The following WDR4 variants were observed in gnomAD, a reference collection of about 807,000 sequenced individuals.
WDR4 encodes the protein tRNA (guanine-N(7)-)-methyltransferase non-catalytic subunit WDR4.
Under a neutral mutation model 48.6 loss-of-function variants are expected in WDR4, and 47 were observed. That is an observed-to-expected ratio of 0.97 (90% CI 0.77 to 1.23). The LOEUF (loss-of-function observed/expected upper bound fraction) is 1.23. WDR4 is among the 50% of genes most tolerant of loss of function. The pLI, the probability that WDR4 is intolerant of heterozygous loss-of-function variation, is 0.00. For synonymous variants in WDR4, 268 were observed against 230.0 expected (o/e 1.17, Z -1.49); for missense variants, 606 against 551.6 (o/e 1.10, Z -0.99).
chr21:42,890,535 C>CA, the WDR4 span, among the ~76,000 whole-genome samples: 4 of 151,918 alleles, frequency 2.6e-5, no homozygotes, highest in Non-Finnish European at 4.4e-5. Flanking sequence ...GACTCCGTCT[C>CA]AAAAAAAAGA....
At chr21:42,851,382 G>A (rs978061874) in intron 10 of WDR4, among the ~76,000 whole-genome samples, 4 of 152,314 alleles carry the variant, frequency 2.6e-5, no homozygotes, top group East Asian at 1.9e-4. Context: ...CAGAGCCAGC[G>A]TGCCGCCACT....
intron 3 of WDR4, among the ~76,000 whole-genome samples, chr21:42,866,496 G>A (rs1052136031): frequency 6.6e-5 from 10 of 152,266 alleles, no homozygotes; most frequent in African/African-American, 2.2e-4. Flanking sequence ...TGTGCTAAGC[G>A]TGGGCGGTTT....
chr21:42,851,160 G>A (rs895232928), intron 10 of WDR4, among the ~76,000 whole-genome samples: 2 of 152,222 alleles, frequency 1.3e-5, no homozygotes, highest in African/African-American at 4.8e-5. Flanking sequence ...ACACTCAACA[G>A]GTCTATGCTG....
At chr21:42,879,895 C>CG (rs1190408000), upstream of WDR4, 1 of 398,816 alleles carries the variant, frequency 2.5e-6, no homozygotes, top group South Asian at 1.3e-4. Flanking sequence ...GTGAATGAAC[C>CG]GGGGGCCGTG....
At chr21:42,854,922 G>A (rs1424297922) in intron 7 of WDR4, among the ~76,000 whole-genome samples, 2 of 152,128 alleles carry the variant, frequency 1.3e-5, no homozygotes, top group Non-Finnish European at 2.9e-5. Context: ...GAGGACACAG[G>A]GGAAAGGAAG....
At chr21:42,891,005 G>A in the WDR4 span, among the ~76,000 whole-genome samples, 6 of 152,040 alleles carry the variant, frequency 3.9e-5, no homozygotes, top group African/African-American at 9.7e-5. Flanking sequence ...GTTACCTTTC[G>A]AGGCCCTAAT....
chr21:42,878,740 A>G (rs187761711), intron 1 of WDR4, among the ~76,000 whole-genome samples: 2 of 152,288 alleles, frequency 1.3e-5, no homozygotes, highest in East Asian at 3.9e-4. Flanking sequence ...CTGGCGATAC[A>G]CTAAGGAAGG....
At chr21:42,854,731 T>C (rs1401109764) in intron 7 of WDR4, 105 bp from the exon 8 acceptor site, 3 of 1,043,198 alleles carry the variant, frequency 2.9e-6, no homozygotes, top group South Asian at 3.2e-5. Context: ...CGCCCCCACA[T>C]ATCAAGGAAG....
chr21:42,850,099 C>T lies in WDR4; in HGVS notation c.1189G>A (p.Asp397Asn), dbSNP rs370431009. The change falls in exon 11 of 11, where the codon GAC becomes AAC. Residue 397 changes from aspartate (D) to asparagine (N), a missense_variant. Coordinates refer to ENST00000398208, the MANE Select transcript of WDR4 (RefSeq NM_018669.6). Reference sequence around the variant, plus strand: ...GGTCTCATCTTCTTGGCATGCCCGTCGGGCCCAGGCGGGGGACTCCGGCGC... The same window carrying T: ...GGTCTCATCTTCTTGGCATGCCCGTTGGGCCCAGGCGGGGGACTCCGGCGC... ...QRRRSPPPGP[D>N]GHAKKMRPGE... 45 of 1,613,948 alleles carry T rather than the reference C, an allele frequency of 2.8e-5. 1 individual carries two copies. The highest frequency in any genetic ancestry group is 4.4e-5 in the South Asian group (4 of 91,068).
chr21:42,867,524 A>G (rs1278347613), intron 3 of WDR4, among the ~76,000 whole-genome samples: 1 of 151,824 alleles, frequency 6.6e-6, no homozygotes, highest in East Asian at 1.9e-4. Flanking sequence ...AGTGCTTTGC[A>G]CTTCAGATTT....
At chr21:42,879,590 G>A, upstream of WDR4, 2 of 1,478,700 alleles carry the variant, frequency 1.4e-6, no homozygotes, top group Non-Finnish European at 1.9e-6. Flanking sequence ...GCCGAGAGAT[G>A]ACGTATACCC....
chr21:42,863,923 G>A (rs529321315), intron 3 of WDR4, among the ~76,000 whole-genome samples: 19 of 82,176 alleles, frequency 2.3e-4, no homozygotes, highest in African/African-American at 7.4e-4. Flanking sequence ...TGGCTAACAC[G>A]GTGAAAACCC....
chr21:42,879,002 C>A (rs73233316), intron 1 of WDR4: 13,425 of 1,014,970 alleles, frequency 0.013, 104 homozygotes, highest in Non-Finnish European at 0.015. Context: ...CAGGGAGACC[C>A]GAGACCCGCT....
chr21:42,855,242 G>A (rs1039630013), intron 7 of WDR4, among the ~76,000 whole-genome samples: 1 of 152,214 alleles, frequency 6.6e-6, no homozygotes, highest in African/African-American at 2.4e-5. Flanking sequence ...GCAGGGGGCA[G>A]AGGCCACACC....
In WDR4 at chr21:42,863,544, C is replaced by T. The variant is rs777549752; in HGVS notation, c.349G>A (p.Val117Ile). ...TCTCCAGACTTGTCGGCCACCAAGA[C>T]CTTCTCCTCCGAGGCTATGAAAGTC... ...ALTFIASEEK[V>I]LVADKSGDVY... The change falls in exon 4 of 11, where the codon GTC becomes ATC. Residue 117 changes from valine (V) to isoleucine (I), a missense_variant. By Grantham distance (29) the Val-to-Ile change is conservative. Coordinates refer to ENST00000398208, the MANE Select transcript of WDR4 (RefSeq NM_018669.6). 26 of 1,613,948 alleles carry T rather than the reference C, an allele frequency of 1.6e-5. No individual in the cohort carries two copies. The highest frequency in any genetic ancestry group is 8.3e-5 in the Admixed American group (5 of 59,992).
chr21:42,860,357 C>G (rs1478637362), intron 5 of WDR4, among the ~76,000 whole-genome samples: 1 of 152,242 alleles, frequency 6.6e-6, no homozygotes, highest in East Asian at 1.9e-4. Context: ...ACCCTCCCAT[C>G]AGAACAGCCA....
In WDR4 at chr21:42,879,416, A is replaced by G. The variant is rs948580314; in HGVS notation, c.80T>C (p.Ile27Thr). The G allele has an allele frequency of 1.2e-6, 2 of 1,613,586 alleles. No homozygotes were observed. The highest frequency in any genetic ancestry group is 1.3e-5 in the African/African-American group (1 of 74,972). ...RGGSRFLATS[I>T]ASSDDDSLFI... Reference sequence around the variant, plus strand: ...ACCAAGGCCCCCTCACCTGCTTGCTATGGAGGTGGCCAGGAATCGGCTGCC... The same window carrying G: ...ACCAAGGCCCCCTCACCTGCTTGCTGTGGAGGTGGCCAGGAATCGGCTGCC... Residue 27 changes from isoleucine (I) to threonine (T), a missense_variant, in exon 1 of 11, where the codon ATA becomes ACA. By Grantham distance (89) the Ile-to-Thr change is moderately conservative. Transcript: ENST00000398208.
intron 6 of WDR4, among the ~76,000 whole-genome samples, chr21:42,857,234 G>T (rs1046948508): frequency 1.7e-4 from 26 of 152,122 alleles, no homozygotes; most frequent in African/African-American, 6.3e-4. Flanking sequence ...TCACTGAGAA[G>T]AGAGTCACCT....
chr21:42,892,276 CAAAA>C, the WDR4 span, among the ~76,000 whole-genome samples: 1 of 148,520 alleles, frequency 6.7e-6, no homozygotes, highest in South Asian at 2.1e-4. Flanking sequence ...AAAATTTAAA[CAAAA>C]AAAAAATCTT....
Sources: gnomAD v4.1 joint callset for allele counts (sites outside exome capture counted in the v4.1 genomes callset) on GRCh38, gnomAD v4.1.1 for gene constraint, MANE v1.5 for transcripts, NCBI Gene and HGNC (gene_info 2026-07-23, HGNC 2026-07-21) for gene names.